The following RBBP8 variants were observed in gnomAD, a reference collection of about 807,000 sequenced individuals.
RBBP8 encodes the protein RB binding protein 8, endonuclease.
RBBP8 carries 88 observed loss-of-function variants against 108.3 expected under a neutral mutation model. The ratio of observed to expected loss-of-function variants is 0.81; its 90% CI spans 0.68 to 0.97. The LOEUF (loss-of-function observed/expected upper bound fraction) is 0.97. RBBP8 is among the 50% of genes least tolerant of loss of function. The pLI, the probability that RBBP8 is intolerant of heterozygous loss-of-function variation, is 0.00. For missense variants in RBBP8, 1,023 were observed against 1,049.0 expected, an observed-to-expected ratio of 0.98 and a Z score of 0.34; for synonymous variants, 332 against 348.2, an observed-to-expected ratio of 0.95 and a Z score of 0.52.
intron 4 of RBBP8, among the ~76,000 whole-genome samples, chr18:22,966,385 A>G (rs1000867135): frequency 1.3e-5 from 2 of 151,960 alleles, no homozygotes; most frequent in Non-Finnish European, 2.9e-5. Context: ...ATGACTTCCT[A>G]TCTTTTGATT....
At chr18:23,016,669 T>G (rs1598747832) in intron 16 of RBBP8, 159 bp from the exon 17 acceptor site, 1 of 640,508 alleles carries the variant, frequency 1.6e-6, no homozygotes, top group African/African-American at 1.8e-5. Context: ...CCCATAAAAA[T>G]ACTTGGTGTA....
intron 12 of RBBP8, among the ~76,000 whole-genome samples, chr18:22,995,553 C>T (rs2045840748): frequency 1.3e-5 from 2 of 152,194 alleles, no homozygotes; most frequent in African/African-American, 4.8e-5. Context: ...ACATTTTCAT[C>T]ACTTTCCTTC....
Position 22,936,776 on chromosome 18 carries a change from A to T in RBBP8, c.-76A>T, listed in dbSNP as rs993459625. The stretch of plus-strand genomic sequence containing the variant: ...CAGGTATTTGACCTGTCCAAAGACG[A>T]CTTGATACCTCTATAATGTAACAGA... On this transcript the variant is annotated 5_prime_UTR_variant, in exon 2 of 19. Transcript: ENST00000327155. 5 of 1,568,726 alleles carry T rather than the reference A, an allele frequency of 3.2e-6. No individual in the cohort carries two copies. The highest frequency in any genetic ancestry group is 2.7e-5 in the African/African-American group (2 of 74,052).
At chr18:22,947,996 C>T (rs1470624253) in intron 3 of RBBP8, among the ~76,000 whole-genome samples, 2 of 152,022 alleles carry the variant, frequency 1.3e-5, no homozygotes, top group Admixed American at 6.5e-5. Flanking sequence ...TAACTCACTA[C>T]TATTACAGAG....
intron 2 of RBBP8, chr18:22,916,890 C>T (rs1334304979): frequency 6.6e-6 from 1 of 152,076 alleles, no homozygotes; most frequent in African/African-American, 2.4e-5. Context: ...CTTAAATGCT[C>T]ATAATTTAGG....
chr18:22,928,667 C>T (rs1909882488), upstream of RBBP8, among the ~76,000 whole-genome samples: 1 of 144,016 alleles, frequency 6.9e-6, no homozygotes, highest in Non-Finnish European at 1.5e-5. Context: ...AGGCAATAGC[C>T]TTTTTTTCTT....
At position 22,924,127 on chromosome 18, in the gene RBBP8, G is replaced by GTTTTTT. The variant is rs33978854; in HGVS notation, c.-153-5241_-153-5236dup. 1.5e-3 allele frequency among the ~76,000 whole-genome samples: 160 copies of GTTTTTT among 108,196 alleles called. 3 individuals are homozygous for GTTTTTT. The highest frequency in any genetic ancestry group is 2.1e-3 in the Non-Finnish European group (120 of 56,776). 71.0% of individuals were successfully genotyped at this position (108,196 alleles called of 152,430 possible). ...GCATTTTTTAGTTAGTTTGTTTTTG[G>GTTTTTT]TTTTTTTTTTTTTTTTTTTTGAGAC... On this transcript the variant is annotated intron_variant, in intron 3 of 4. Coordinates refer to the RBBP8 transcript ENST00000577588.
chr18:22,985,895 AG>A (rs1395645678), intron 8 of RBBP8, among the ~76,000 whole-genome samples: 1 of 152,114 alleles, frequency 6.6e-6, no homozygotes, highest in Non-Finnish European at 1.5e-5. Context: ...AAGAAGTCCA[AG>A]TATTGAGCCT....
chr18:23,010,970 G>A (rs951185881), intron 16 of RBBP8, among the ~76,000 whole-genome samples: 1 of 152,202 alleles, frequency 6.6e-6, no homozygotes, highest in African/African-American at 2.4e-5. Context: ...TGGCCAAAAT[G>A]TGATCTGCAT....
intron 15 of RBBP8, among the ~76,000 whole-genome samples, chr18:23,001,984 A>T (rs1217274200): frequency 6.6e-6 from 1 of 152,220 alleles, no homozygotes; most frequent in East Asian, 1.9e-4. Context: ...TAAAATATTT[A>T]TTAGAACTAA....
At chr18:22,991,237 AG>A (rs1412327637) in intron 10 of RBBP8, among the ~76,000 whole-genome samples, 188 bp downstream of exon 10, 6 of 152,328 alleles carry the variant, frequency 3.9e-5, no homozygotes, top group Admixed American at 1.3e-4. Context: ...TACAGTAGAA[AG>A]GTGGATATCA....
chr18:22,914,277 A>C (rs542926326), exon 1 of RBBP8: 2 of 152,334 alleles, frequency 1.3e-5, no homozygotes, highest in Non-Finnish European at 2.9e-5. Flanking sequence ...CTTTTCACCA[A>C]GAGCAGAGGT....
chr18:22,957,291 CT>C (rs11418623), intron 4 of RBBP8, among the ~76,000 whole-genome samples: 108 of 92,872 alleles, frequency 1.2e-3, no homozygotes, highest in African/African-American at 3.7e-3. Context: ...ATTACTTTTT[CT>C]TTTTTTTTTT....
intron 4 of RBBP8, among the ~76,000 whole-genome samples, chr18:22,966,719 C>CTTTTT (rs796853895): frequency 1.4e-4 from 18 of 128,108 alleles, no homozygotes; most frequent in East Asian, 7.0e-4. Context: ...TACTTACTAT[C>CTTTTT]TTTTTTTTTT....
intron 1 of RBBP8, among the ~76,000 whole-genome samples, chr18:22,935,207 G>GTA (rs1910436005): frequency 6.6e-6 from 1 of 150,824 alleles, no homozygotes; most frequent in Admixed American, 6.6e-5. Flanking sequence ...GAACCCCATT[G>GTA]TATACGCACC....
At chr18:22,938,789 A>C (rs562033344) in intron 2 of RBBP8, among the ~76,000 whole-genome samples, 2 of 152,344 alleles carry the variant, frequency 1.3e-5, no homozygotes, top group South Asian at 4.1e-4. Flanking sequence ...GTCATTTGAC[A>C]AACCCGTAGC....
At chr18:22,956,932 A>G (rs762262973) in intron 4 of RBBP8, among the ~76,000 whole-genome samples, 49 of 152,316 alleles carry the variant, frequency 3.2e-4, no homozygotes, top group Admixed American at 5.2e-4. Context: ...ACTGTGCTGG[A>G]GAAGTAGATA....
At chr18:22,932,242 C>T (rs1380239090), upstream of RBBP8, among the ~76,000 whole-genome samples, 1 of 152,226 alleles carries the variant, frequency 6.6e-6, no homozygotes, top group African/African-American at 2.4e-5. Flanking sequence ...TCTTTCAATA[C>T]TCTGTTAAAT....
rs779313616 is a variant in RBBP8, at chr18:22,993,054, TAAAA to T, written c.1229_1232del (p.Lys410IlefsTer2). ...CATCTAATAAACAGATACTTATAAA[TAAAA>T]ATATAAGTGAATCCCTAGGTGAACA... is the stretch of plus-strand genomic sequence containing the variant. On this transcript the variant is annotated frameshift_variant, in exon 11 of 19. Coordinates refer to ENST00000327155, the MANE Select transcript of RBBP8 (RefSeq NM_002894.3). LOFTEE classifies it high-confidence loss of function. 2 of 1,612,470 alleles carry T rather than the reference TAAAA, an allele frequency of 1.2e-6. No homozygotes were observed. Among genetic ancestry groups the T allele is most frequent in the Non-Finnish European group, 1.7e-6 (2 of 1,178,872 alleles).
Sources: gnomAD v4.1 joint callset for allele counts (sites outside exome capture counted in the v4.1 genomes callset) on GRCh38, gnomAD v4.1.1 for gene constraint, MANE v1.5 for transcripts, NCBI Gene and HGNC (gene_info 2026-07-23, HGNC 2026-07-21) for gene names.